PCDH7: variants seen among roughly 807,000 people sequenced by gnomAD.
PCDH7 encodes the protein protocadherin 7.
A neutral mutation model predicts 58.9 loss-of-function variants in PCDH7; 17 were observed. That is an observed-to-expected ratio of 0.29 (90% CI 0.20 to 0.43). The LOEUF (loss-of-function observed/expected upper bound fraction) is 0.43, where lower values mean the gene tolerates loss of function less well. Among genes scored for constraint, PCDH7 ranks in the 20% least tolerant of loss-of-function variants. The pLI, the probability that PCDH7 is intolerant of heterozygous loss-of-function variation, is 1.00. For missense variants in PCDH7, 1,274 were observed against 1,441.0 expected, an observed-to-expected ratio of 0.88 and a Z score of 1.88; for synonymous variants, 664 against 616.4, an observed-to-expected ratio of 1.08 and a Z score of -1.14.
At chr4:30,786,671 G>C (rs756194930) in intron 1 of PCDH7, 6 of 668,810 alleles carry the variant, frequency 9.0e-6, no homozygotes, top group Non-Finnish European at 1.1e-5. Flanking sequence ...AACTAGGCTG[G>C]CAAAACCCTA....
chr4:31,137,733 A>G (rs16884400), intron 3 of PCDH7, among the ~76,000 whole-genome samples: 7,424 of 152,292 alleles, frequency 0.049, 343 homozygotes, highest in African/African-American at 0.12. Flanking sequence ...GGAAGTCCAT[A>G]CGTTGACTTA....
chr4:30,730,955 TA>T, exon 2 of PCDH7: 1 of 1,291,808 alleles, frequency 7.7e-7, no homozygotes, highest in Non-Finnish European at 9.8e-7. Context: ...TACAGAAAAA[TA>T]GTATGAAAAT....
At chr4:30,857,167 A>G (rs1733574053) in intron 1 of PCDH7, among the ~76,000 whole-genome samples, 1 of 152,102 alleles carries the variant, frequency 6.6e-6, no homozygotes, top group South Asian at 2.1e-4. Flanking sequence ...GCTACCTTTT[A>G]CAGTGACTTC....
At chr4:30,829,072 C>T (rs965708654) in intron 1 of PCDH7, among the ~76,000 whole-genome samples, 5 of 151,906 alleles carry the variant, frequency 3.3e-5, no homozygotes, top group Non-Finnish European at 5.9e-5. Context: ...TGCAGATACA[C>T]ATGTACCTGC....
chr4:30,933,684 AT>A (rs1013530885), intron 2 of PCDH7, among the ~76,000 whole-genome samples: 5 of 151,906 alleles, frequency 3.3e-5, no homozygotes, highest in African/African-American at 1.2e-4. Flanking sequence ...CTATCTATCA[AT>A]TTTTTAGTTG....
chr4:31,130,751 A>G (rs1238713468), intron 3 of PCDH7, among the ~76,000 whole-genome samples: 3 of 152,124 alleles, frequency 2.0e-5, no homozygotes, highest in Admixed American at 6.6e-5. Context: ...CCATCTTCAA[A>G]GCTGGCAATG....
chr4:31,123,086 C>T (rs966859377), intron 3 of PCDH7, among the ~76,000 whole-genome samples: 14 of 151,966 alleles, frequency 9.2e-5, no homozygotes, highest in African/African-American at 3.4e-4. Flanking sequence ...TTAAGATAAG[C>T]AACACTAAAA....
At chr4:30,769,685 A>G (rs1032507113) in intron 1 of PCDH7, among the ~76,000 whole-genome samples, 3 of 152,150 alleles carry the variant, frequency 2.0e-5, no homozygotes, top group African/African-American at 7.2e-5. Flanking sequence ...TGTTTGCTTT[A>G]TGGTGTAAAT....
At chr4:31,060,917 T>C (rs1450536537) in intron 3 of PCDH7, among the ~76,000 whole-genome samples, 1 of 151,770 alleles carries the variant, frequency 6.6e-6, no homozygotes, top group African/African-American at 2.4e-5. Flanking sequence ...ACTACAAATT[T>C]AGGGAAAGTT....
At chr4:30,861,653 A>G (rs1282805216) in intron 1 of PCDH7, among the ~76,000 whole-genome samples, 1 of 152,150 alleles carries the variant, frequency 6.6e-6, no homozygotes, top group African/African-American at 2.4e-5. Context: ...CTAGTGTAGT[A>G]CTATATTACT....
chr4:31,066,563 G>A (rs16884307), intron 3 of PCDH7, among the ~76,000 whole-genome samples: 4,974 of 151,832 alleles, frequency 0.033, 245 homozygotes, highest in African/African-American at 0.11. Context: ...AAACTTACCC[G>A]TCTCTCAGAT....
chr4:31,019,987 GAAGT>G (rs1753903341), intron 3 of PCDH7, among the ~76,000 whole-genome samples: 2 of 152,090 alleles, frequency 1.3e-5, no homozygotes, highest in Admixed American at 1.3e-4. Context: ...CAAACAAAAT[GAAGT>G]AAGTGGCTTG....
chr4:30,931,886 T>C (rs6825443), intron 2 of PCDH7, among the ~76,000 whole-genome samples: 3,957 of 151,498 alleles, frequency 0.026, 174 homozygotes, highest in African/African-American at 0.089. Context: ...TTCTGTGTAA[T>C]AGCTTTTGCT....
At chr4:30,790,013 A>G (rs549927119) in intron 1 of PCDH7, among the ~76,000 whole-genome samples, 30 of 152,348 alleles carry the variant, frequency 2.0e-4, no homozygotes, top group Non-Finnish European at 3.4e-4. Context: ...TGCAGAATCC[A>G]TCATTAGATT....
intron 2 of PCDH7, chr4:30,935,362 A>G (rs990290338): frequency 1.0e-6 from 1 of 980,132 alleles, no homozygotes; most frequent in Non-Finnish European, 1.2e-6. Context: ...GTTTCTTGGC[A>G]CCTTTTGAAT....
chr4:31,103,954 G>A (rs866271416), intron 3 of PCDH7, among the ~76,000 whole-genome samples: 11 of 152,136 alleles, frequency 7.2e-5, no homozygotes, highest in Middle Eastern at 3.4e-3. Context: ...TACGTGATAC[G>A]GTTTCATGCC....
intron 3 of PCDH7, among the ~76,000 whole-genome samples, chr4:31,050,665 G>A (rs535802577): frequency 1.3e-5 from 2 of 151,982 alleles, no homozygotes; most frequent in Non-Finnish European, 2.9e-5. Context: ...ATACTAAAGA[G>A]GGATGTGAAA....
intron 1 of PCDH7, among the ~76,000 whole-genome samples, chr4:30,744,201 C>G (rs1717464886): frequency 6.6e-6 from 1 of 152,058 alleles, no homozygotes; most frequent in African/African-American, 2.4e-5. Context: ...ATTTTAAACA[C>G]TGAATGTTTT....
At chr4:30,979,998 A>G (rs988679492) in intron 3 of PCDH7, among the ~76,000 whole-genome samples, 5 of 152,168 alleles carry the variant, frequency 3.3e-5, no homozygotes, top group African/African-American at 9.6e-5. Flanking sequence ...TTTTTGTCAC[A>G]GTGATTTTAA....
Sources: allele counts gnomAD v4.1 joint callset (sites outside exome capture counted in the v4.1 genomes callset), GRCh38; gene constraint gnomAD v4.1.1; transcripts MANE v1.5; gene names NCBI Gene and HGNC (gene_info 2026-07-23, HGNC 2026-07-21).